ADGRL3: variants seen among roughly 807,000 people sequenced by gnomAD.
ADGRL3 encodes the protein adhesion G protein-coupled receptor L3.
In ADGRL3, 62 loss-of-function variants were observed where a neutral mutation model predicts 153.5. That is an observed-to-expected ratio of 0.40 (90% CI 0.33 to 0.50). The LOEUF (loss-of-function observed/expected upper bound fraction) is 0.50. ADGRL3 is among the 20% of genes least tolerant of loss of function. The probability of loss-of-function intolerance (pLI) is 0.47; values close to 1 mark genes in which losing one functional copy is unlikely to be tolerated. For synonymous variants in ADGRL3, 710 were observed against 672.5 expected (o/e 1.06, Z -0.86); for missense variants, 1,641 against 1,859.4 (o/e 0.88, Z 2.16).
At chr4:61,592,483 A>G (rs1438128934) in intron 5 of ADGRL3, among the ~76,000 whole-genome samples, 1 of 152,166 alleles carries the variant, frequency 6.6e-6, no homozygotes, top group Admixed American at 6.5e-5. Context: ...AGAACCTATA[A>G]TATATAATAC....
intron 16 of ADGRL3, 150 bp from the exon 17 acceptor site, chr4:61,947,950 A>T: frequency 3.3e-6 from 2 of 607,652 alleles, no homozygotes; most frequent in Non-Finnish European, 5.8e-6. Flanking sequence ...TTCACTTAGA[A>T]TTGTTGAGGC....
At chr4:62,041,976 C>T (rs903023646) in intron 24 of ADGRL3, among the ~76,000 whole-genome samples, 4 of 151,796 alleles carry the variant, frequency 2.6e-5, no homozygotes, top group South Asian at 2.1e-4. Context: ...CACTGTGCTT[C>T]GGTTTTTCTA....
At chr4:61,835,153 C>T (rs1222187684) in intron 9 of ADGRL3, among the ~76,000 whole-genome samples, 1 of 151,936 alleles carries the variant, frequency 6.6e-6, no homozygotes, top group Non-Finnish European at 1.5e-5. Flanking sequence ...CAAAACAGAA[C>T]AGAGTCTTAG....
chr4:61,332,131 A>G (rs1161631715), intron 1 of ADGRL3, among the ~76,000 whole-genome samples: 11 of 152,200 alleles, frequency 7.2e-5, no homozygotes, highest in Non-Finnish European at 1.6e-4. Context: ...CATGAACAAG[A>G]GAGAACCTTT....
intron 9 of ADGRL3, among the ~76,000 whole-genome samples, chr4:61,843,389 G>A (rs2098063351): frequency 6.6e-6 from 1 of 152,106 alleles, no homozygotes; most frequent in Admixed American, 6.5e-5. Context: ...GCAGCTAGGT[G>A]TGTCTTGGCC....
rs1246189381 is a variant in ADGRL3 at position 61,936,002 on chromosome 4, T to C, written c.2376T>C (p.Thr792=). The C allele has an allele frequency of 6.2e-7, 1 of 1,610,022 alleles. No homozygotes were observed. The highest frequency in any genetic ancestry group is 8.5e-7 in the Non-Finnish European group (1 of 1,178,062). ...KFPENMGHGS[T]IQLSANTLKQ... is the part of the protein sequence containing the mutation. ...CAGAAAACATGGGCCATGGAAGCACTATCCAGCTGTCTGCAAATACCTTAA... is the reference window on the plus strand; with the variant it reads ...CAGAAAACATGGGCCATGGAAGCACCATCCAGCTGTCTGCAAATACCTTAA... Residue 792 remains threonine, a synonymous_variant, in exon 15 of 27, where the codon ACT becomes ACC. Transcript: ENST00000683033.
At chr4:61,559,957 CTCT>C (rs1340764873) in intron 4 of ADGRL3, among the ~76,000 whole-genome samples, 1 of 152,004 alleles carries the variant, frequency 6.6e-6, no homozygotes, top group East Asian at 1.9e-4. Flanking sequence ...ACATGACATT[CTCT>C]TCTTTCTCTT....
chr4:61,544,359 A>G (rs1305278473), intron 4 of ADGRL3, among the ~76,000 whole-genome samples: 1 of 152,172 alleles, frequency 6.6e-6, no homozygotes, highest in Non-Finnish European at 1.5e-5. Context: ...CCAATTAGCT[A>G]TTTGGACAAC....
At chr4:61,321,409 G>C (rs2095352992) in intron 1 of ADGRL3, among the ~76,000 whole-genome samples, 1 of 152,072 alleles carries the variant, frequency 6.6e-6, no homozygotes, top group Admixed American at 6.6e-5. Context: ...CTATTCTTAA[G>C]AGGATTCAAT....
At chr4:61,280,892 C>T (rs1391131081) in intron 1 of ADGRL3, among the ~76,000 whole-genome samples, 4 of 152,128 alleles carry the variant, frequency 2.6e-5, no homozygotes, top group African/African-American at 9.6e-5. Flanking sequence ...TGGAAAATAG[C>T]TGTGGTATTT....
chr4:61,807,679 A>G (rs2097567184), intron 8 of ADGRL3, among the ~76,000 whole-genome samples: 1 of 152,118 alleles, frequency 6.6e-6, no homozygotes. Context: ...TTCATTTTCA[A>G]AATGTATTTT....
In ADGRL3 at chr4:61,626,052, A is replaced by G. The variant is rs2092810531; in HGVS notation, c.473+38612A>G. 2.0e-5 allele frequency among the ~76,000 whole-genome samples: 3 copies of G among 152,172 alleles called. No homozygotes were observed. In the South Asian group the frequency reaches 6.2e-4, roughly 32 times the overall value. ...ACTCTACAGTTTAAAATATATATTT[A>G]CATGGCTTTCTATTTGACCTTAAAA... is the stretch of plus-strand genomic sequence containing the variant. On this transcript the variant is annotated intron_variant, in intron 5 of 26. Coordinates refer to ENST00000683033, the MANE Select transcript of ADGRL3 (RefSeq NM_001387552.1).
chr4:61,762,926 A>G (rs2096929573), intron 8 of ADGRL3, among the ~76,000 whole-genome samples: 1 of 152,102 alleles, frequency 6.6e-6, no homozygotes, highest in African/African-American at 2.4e-5. Flanking sequence ...TTTTCCTACA[A>G]ACCCTCTACA....
intron 2 of ADGRL3, among the ~76,000 whole-genome samples, chr4:61,463,686 A>G (rs2097849356): frequency 6.6e-6 from 1 of 152,342 alleles, no homozygotes; most frequent in Non-Finnish European, 1.5e-5. Flanking sequence ...TACATTGAAA[A>G]GAAAAAATAC....
chr4:61,362,826 A>G (rs558256488), intron 1 of ADGRL3, among the ~76,000 whole-genome samples: 4 of 152,280 alleles, frequency 2.6e-5, no homozygotes, highest in African/African-American at 7.2e-5. Flanking sequence ...AAAGTTTCAT[A>G]TATAGATGAC....
At chr4:61,206,012 A>C (rs185730421) in intron 1 of ADGRL3, among the ~76,000 whole-genome samples, 9 of 152,324 alleles carry the variant, frequency 5.9e-5, no homozygotes, top group Admixed American at 2.6e-4. Flanking sequence ...ATAAGCACAA[A>C]ATGTAAAAGA....
In ADGRL3 at chr4:62,070,219, G is replaced by C. The variant is rs776812890; in HGVS notation, c.3943G>C (p.Val1315Leu). ...IASGEYLSNC[V>L]QIIDRGYNHN... Reference sequence around the variant, plus strand: ...CAGCGGCGAATACCTGAGCAACTGTGTGCAAATCATAGACCGTGGCTATAA... The same window carrying C: ...CAGCGGCGAATACCTGAGCAACTGTCTGCAAATCATAGACCGTGGCTATAA... The change falls in exon 27 of 27, where the codon GTG becomes CTG. Residue 1315 changes from valine to leucine, a missense_variant. Physicochemically the swap from Val to Leu is conservative, Grantham distance 32. Transcript: ENST00000683033. 6.8e-6 allele frequency: 11 copies of C among 1,613,934 alleles called. No homozygotes were observed. The highest frequency in any genetic ancestry group is 9.3e-6 in the Non-Finnish European group (11 of 1,179,978).
chr4:62,054,569 T>G (rs530929560), intron 25 of ADGRL3, among the ~76,000 whole-genome samples: 1 of 151,700 alleles, frequency 6.6e-6, no homozygotes, highest in Non-Finnish European at 1.5e-5. Context: ...ACTTCAAAAA[T>G]TATAGTTCAG....
intron 8 of ADGRL3, among the ~76,000 whole-genome samples, chr4:61,801,814 A>G (rs2097501025): frequency 6.6e-6 from 1 of 152,136 alleles, no homozygotes; most frequent in South Asian, 2.1e-4. Context: ...ACAGTACCTC[A>G]AACATTTTGA....
Sources: gnomAD v4.1 joint callset for allele counts (sites outside exome capture counted in the v4.1 genomes callset) on GRCh38, gnomAD v4.1.1 for gene constraint, MANE v1.5 for transcripts, NCBI Gene and HGNC (gene_info 2026-07-23, HGNC 2026-07-21) for gene names.